The following DPYD variants were observed in gnomAD, a reference collection of about 807,000 sequenced individuals.
The protein encoded by DPYD is dihydropyrimidine dehydrogenase, also known as dihydropyrimidine dehydrogenase [NADP(+)].
DPYD carries 109 observed loss-of-function variants against 116.2 expected under a neutral mutation model. The ratio of observed to expected loss-of-function variants is 0.94; its 90% confidence interval spans 0.80 to 1.10. The LOEUF (loss-of-function observed/expected upper bound fraction) is 1.10, where lower values mean the gene tolerates loss of function less well. Ranked by LOEUF, DPYD falls within the 50% of genes least tolerant of loss-of-function variation. The pLI is 0.00. For missense variants in DPYD, 1,302 were observed against 1,254.5 expected, an observed-to-expected ratio of 1.04 and a Z score of -0.57; for synonymous variants, 440 against 432.0, an observed-to-expected ratio of 1.02 and a Z score of -0.23.
At chr1:97,879,331 A>G (rs1672073148) in intron 2 of DPYD, among the ~76,000 whole-genome samples, 1 of 151,892 alleles carries the variant, frequency 6.6e-6, no homozygotes, top group African/African-American at 2.4e-5. Flanking sequence ...ATTTGCTATA[A>G]TTCTTAAAAA....
intron 8 of DPYD, among the ~76,000 whole-genome samples, chr1:97,665,213 A>G (rs1171068242): frequency 2.0e-5 from 3 of 152,184 alleles, no homozygotes; most frequent in Non-Finnish European, 4.4e-5. Flanking sequence ...GGAGAGGAAA[A>G]CAAACATGCA....
intron 19 of DPYD, among the ~76,000 whole-genome samples, chr1:97,231,887 A>T (rs547541306): frequency 6.6e-6 from 1 of 152,190 alleles, no homozygotes; most frequent in East Asian, 1.9e-4. Flanking sequence ...TCTGAAACCC[A>T]CTCATAACTC....
intron 20 of DPYD, among the ~76,000 whole-genome samples, chr1:97,146,236 A>G (rs1654620330): frequency 1.3e-5 from 2 of 152,206 alleles, no homozygotes; most frequent in Non-Finnish European, 2.9e-5. Flanking sequence ...AACTAATACA[A>G]TGTTGACAAG....
intron 18 of DPYD, among the ~76,000 whole-genome samples, chr1:97,261,405 T>C (rs1182005325): frequency 1.3e-5 from 2 of 151,144 alleles, no homozygotes; most frequent in East Asian, 1.9e-4. Flanking sequence ...ACTGCACAAA[T>C]ATGAGAAAAT....
At chr1:97,143,036 G>T (rs1172344934) in intron 20 of DPYD, among the ~76,000 whole-genome samples, 1 of 151,660 alleles carries the variant, frequency 6.6e-6, no homozygotes, top group East Asian at 1.9e-4. Flanking sequence ...TAATATATGG[G>T]TATTATCATA....
intron 2 of DPYD, among the ~76,000 whole-genome samples, chr1:97,836,794 T>C (rs1387449776): frequency 6.6e-6 from 1 of 151,606 alleles, no homozygotes; most frequent in African/African-American, 2.4e-5. Flanking sequence ...CAATTTAACA[T>C]AAGTCTCAAT....
Position 97,306,259 on chromosome 1 carries a change from C to G in DPYD, c.2097G>C (p.Arg699Ser). The change falls in exon 17 of 23, where the codon AGG (arginine) becomes AGC (serine). Residue 699 changes from arginine (R) to serine (S), a missense_variant. Arg to Ser is a moderately radical substitution (Grantham distance 110). Transcript: ENST00000370192. ...CAAAAAAAGGAATCTGAACAGCTTGCCTAACCCAGCGGCAGATGTTCCGCA... is the reference window on the plus strand; with the variant it reads ...CAAAAAAAGGAATCTGAACAGCTTGGCTAACCCAGCGGCAGATGTTCCGCA... The part of the protein sequence containing the change: ...ELVRNICRWV[R>S]QAVQIPFFAK... The G allele has an allele frequency of 6.2e-7, 1 of 1,612,420 alleles. No homozygotes were observed. The highest frequency in any genetic ancestry group is 1.1e-5 in the South Asian group (1 of 91,066).
chr1:97,538,345 C>A (rs1429397913), intron 12 of DPYD, among the ~76,000 whole-genome samples: 1 of 152,178 alleles, frequency 6.6e-6, no homozygotes, highest in African/African-American at 2.4e-5. Context: ...CTTGAAATCA[C>A]ACATTCATTT....
intron 13 of DPYD, among the ~76,000 whole-genome samples, chr1:97,496,636 C>A (rs902471681): frequency 6.6e-6 from 1 of 151,990 alleles, no homozygotes; most frequent in Non-Finnish European, 1.5e-5. Context: ...TGATATTCAT[C>A]TATAATGTAT....
intron 18 of DPYD, among the ~76,000 whole-genome samples, chr1:97,266,998 ATG>A (rs1221172045): frequency 6.6e-6 from 1 of 152,166 alleles, no homozygotes; most frequent in African/African-American, 2.4e-5. Context: ...ATACAGGTGC[ATG>A]TGTCTTTATA....
chr1:97,735,728 A>AAATAAAAC (rs1282146529), intron 4 of DPYD, among the ~76,000 whole-genome samples: 1 of 142,984 alleles, frequency 7.0e-6, no homozygotes, highest in African/African-American at 2.5e-5. Context: ...ATAAATAAAT[A>AAATAAAAC]AAACAATAAA....
rs182248038 is a variant in DPYD, at chr1:97,264,297, G to C, written c.2300-29303C>G. ...CCTGCCTCACCCTCTCAAATAGCTG[G>C]GATTATAGGCACACGCCACCATGCC... On this transcript the variant is annotated intron_variant, in intron 18 of 22. Coordinates refer to ENST00000370192, the MANE Select transcript of DPYD (RefSeq NM_000110.4). Among the ~76,000 whole-genome samples, 797 of 149,166 alleles carry C rather than the reference G, an allele frequency of 5.3e-3. 7 individuals carry two copies. The highest frequency in any genetic ancestry group is 9.3e-3 in the Admixed American group (138 of 14,772).
chr1:97,896,217 A>G (rs1053034925), intron 1 of DPYD, among the ~76,000 whole-genome samples: 3 of 151,868 alleles, frequency 2.0e-5, no homozygotes, highest in Non-Finnish European at 4.4e-5. Flanking sequence ...ATCAAAAATG[A>G]CATAGTGTTA....
At chr1:97,912,564 G>A (rs1674003274) in intron 1 of DPYD, among the ~76,000 whole-genome samples, 1 of 151,992 alleles carries the variant, frequency 6.6e-6, no homozygotes, top group African/African-American at 2.4e-5. Flanking sequence ...GACTTGAGTG[G>A]GATGACTATG....
chr1:97,701,299 G>C (rs1267749209), intron 5 of DPYD, among the ~76,000 whole-genome samples: 1 of 150,354 alleles, frequency 6.7e-6, no homozygotes, highest in Non-Finnish European at 1.5e-5. Flanking sequence ...CAAGGAAATG[G>C]TCAATCTTTC....
chr1:97,681,835 G>C (rs915478774), intron 7 of DPYD, among the ~76,000 whole-genome samples: 1 of 152,232 alleles, frequency 6.6e-6, no homozygotes, highest in East Asian at 1.9e-4. Flanking sequence ...TAGAATATTA[G>C]CAAACTGAGT....
chr1:97,175,735 T>C (rs2101786055), intron 20 of DPYD, among the ~76,000 whole-genome samples: 1 of 152,290 alleles, frequency 6.6e-6, no homozygotes, highest in South Asian at 2.1e-4. Flanking sequence ...AATGCATACC[T>C]CTTAGTCCAA....
At chr1:97,371,429 C>G (rs930596472) in intron 16 of DPYD, among the ~76,000 whole-genome samples, 1 of 152,112 alleles carries the variant, frequency 6.6e-6, no homozygotes, top group African/African-American at 2.4e-5. Flanking sequence ...CAGTCCCCCA[C>G]CACTGAGTAT....
intron 1 of DPYD, among the ~76,000 whole-genome samples, chr1:97,905,185 C>T (rs1438890135): frequency 6.6e-6 from 1 of 151,904 alleles, no homozygotes. Flanking sequence ...TATAATTACC[C>T]AATATGCACC....
Sources: allele counts gnomAD v4.1 joint callset (sites outside exome capture counted in the v4.1 genomes callset), GRCh38; gene constraint gnomAD v4.1.1; transcripts MANE v1.5; gene names NCBI Gene and HGNC (gene_info 2026-07-23, HGNC 2026-07-21).